RBFOX1: variants seen among roughly 807,000 people sequenced by gnomAD.
RBFOX1 encodes RNA binding protein fox-1 homolog 1.
Under a neutral mutation model 57.7 loss-of-function variants are expected in RBFOX1, and 8 were observed. The observed-to-expected ratio is 0.14, with a 90% confidence interval of 0.08 to 0.25. The LOEUF (loss-of-function observed/expected upper bound fraction) is 0.25, where lower values mean the gene tolerates loss of function less well. RBFOX1 is among the 10% of genes least tolerant of loss of function. The pLI is 1.00. For synonymous variants in RBFOX1, 326 were observed against 222.4 expected (o/e 1.47, Z -4.15); for missense variants, 611 against 548.5 (o/e 1.11, Z -1.14).
chr16:6,806,856 G>A (rs71386443), intron 3 of RBFOX1, among the ~76,000 whole-genome samples: 1 of 121,380 alleles, frequency 8.2e-6, no homozygotes, highest in Non-Finnish European at 1.6e-5. Context: ...TTTTTTGAGA[G>A]AAAGTCTTGC....
chr16:6,945,083 G>C (rs2153510849), intron 3 of RBFOX1, among the ~76,000 whole-genome samples: 1 of 152,256 alleles, frequency 6.6e-6, no homozygotes, highest in South Asian at 2.1e-4. Flanking sequence ...AGACAGAGCA[G>C]GGGCCAGCTC....
intron 1 of RBFOX1, among the ~76,000 whole-genome samples, chr16:5,263,818 T>G (rs1395989048): frequency 6.6e-6 from 1 of 152,168 alleles, no homozygotes; most frequent in Non-Finnish European, 1.5e-5. Flanking sequence ...AAGTCAATTG[T>G]TACAGCAAAT....
At chr16:7,441,461 C>T (rs1475144334) in intron 4 of RBFOX1, among the ~76,000 whole-genome samples, 5 of 152,134 alleles carry the variant, frequency 3.3e-5, no homozygotes, top group Admixed American at 1.3e-4. Context: ...TCTAGGGATT[C>T]ATGGATGTGC....
chr16:7,559,090 G>T (rs1003206232), intron 5 of RBFOX1, among the ~76,000 whole-genome samples: 1 of 152,192 alleles, frequency 6.6e-6, no homozygotes, highest in Non-Finnish European at 1.5e-5. Context: ...ATAGGAGAAA[G>T]GTTCAGAGGC....
intron 1 of RBFOX1, among the ~76,000 whole-genome samples, chr16:6,044,704 C>T (rs2095476995): frequency 6.6e-6 from 1 of 152,052 alleles, no homozygotes; most frequent in Admixed American, 6.6e-5. Context: ...ATATAATGGC[C>T]TTCTGTGCAT....
At chr16:5,969,662 C>T (rs780736220) in intron 4 of RBFOX1, among the ~76,000 whole-genome samples, 1 of 151,844 alleles carries the variant, frequency 6.6e-6, no homozygotes, top group Non-Finnish European at 1.5e-5. Context: ...TTCATAAAAT[C>T]TTAGGTAGCT....
intron 3 of RBFOX1, among the ~76,000 whole-genome samples, chr16:5,828,591 CG>C (rs778233004): frequency 6.3e-4 from 95 of 151,996 alleles, no homozygotes; most frequent in Non-Finnish European, 1.2e-3. Context: ...CCCAGCTACT[CG>C]GGAGGCCGAG....
intron 2 of RBFOX1, among the ~76,000 whole-genome samples, chr16:6,529,660 A>G (rs551971105): frequency 7.2e-5 from 11 of 152,186 alleles, no homozygotes; most frequent in Admixed American, 4.6e-4. Flanking sequence ...GAAGTAAGAT[A>G]CTACAGGTAT....
intron 4 of RBFOX1, among the ~76,000 whole-genome samples, chr16:7,478,806 G>T (rs532313618): frequency 3.3e-5 from 5 of 152,292 alleles, no homozygotes; most frequent in African/African-American, 1.2e-4. Context: ...ATCTAGTCTA[G>T]ATGCCAACAA....
intron 1 of RBFOX1, among the ~76,000 whole-genome samples, chr16:5,395,669 A>G (rs2066531740): frequency 6.6e-6 from 1 of 152,078 alleles, no homozygotes; most frequent in African/African-American, 2.4e-5. Context: ...GGGACCTGTG[A>G]CTTGTTTTTA....
At chr16:5,513,200 A>G (rs907804246) in intron 2 of RBFOX1, among the ~76,000 whole-genome samples, 2 of 152,126 alleles carry the variant, frequency 1.3e-5, no homozygotes, top group African/African-American at 4.8e-5. Flanking sequence ...GTGTGAGCCA[A>G]GGTACCCGGC....
intron 1 of RBFOX1, among the ~76,000 whole-genome samples, chr16:5,283,256 A>G (rs541956270): frequency 1.3e-5 from 2 of 152,332 alleles, no homozygotes; most frequent in Admixed American, 6.5e-5. Context: ...CAGGGCACTC[A>G]TGGAGAACCT....
intron 2 of RBFOX1, among the ~76,000 whole-genome samples, chr16:6,503,363 C>T (rs941247645): frequency 1.3e-5 from 2 of 152,126 alleles, no homozygotes; most frequent in African/African-American, 4.8e-5. Context: ...CACTCTTGTT[C>T]TTGTAACAGT....
chr16:7,315,456 A>ACCCCCCCCCCCCCCC (rs34625153), intron 4 of RBFOX1, among the ~76,000 whole-genome samples: 1 of 123,770 alleles, frequency 8.1e-6, no homozygotes, highest in Non-Finnish European at 1.9e-5. Flanking sequence ...ACTCTACCCT[A>ACCCCCCCCCCCCCCC]CCCCCCCCCC....
intron 1 of RBFOX1, among the ~76,000 whole-genome samples, chr16:6,223,389 C>A (rs2097391286): frequency 2.0e-5 from 3 of 148,624 alleles, no homozygotes; most frequent in Non-Finnish European, 3.0e-5. Flanking sequence ...TAATGATTGC[C>A]ATTCTAACTG....
intron 4 of RBFOX1, among the ~76,000 whole-genome samples, chr16:7,214,272 G>A (rs958722957): frequency 5.9e-5 from 9 of 151,992 alleles, no homozygotes; most frequent in Middle Eastern, 3.2e-3. Context: ...AATTTCTTAC[G>A]CATATGGGAG....
At chr16:7,450,772 A>G (rs573533222) in intron 4 of RBFOX1, among the ~76,000 whole-genome samples, 2 of 152,284 alleles carry the variant, frequency 1.3e-5, no homozygotes, top group East Asian at 3.9e-4. Flanking sequence ...AGGAGGAACC[A>G]GTGACCCCAG....
chr16:5,522,098 G>A (rs1414760928), intron 2 of RBFOX1, among the ~76,000 whole-genome samples: 1 of 152,230 alleles, frequency 6.6e-6, no homozygotes, highest in Non-Finnish European at 1.5e-5. Flanking sequence ...AGGCAGCCAG[G>A]CTCTCTGGAG....
chr16:7,443,078 C>T (rs1474502851), intron 4 of RBFOX1, among the ~76,000 whole-genome samples: 2 of 152,196 alleles, frequency 1.3e-5, no homozygotes, highest in East Asian at 3.9e-4. Context: ...CCTTACCCTT[C>T]AGTTGCACGA....
Sources: gnomAD v4.1 joint callset for allele counts (sites outside exome capture counted in the v4.1 genomes callset) on GRCh38, gnomAD v4.1.1 for gene constraint, MANE v1.5 for transcripts, NCBI Gene and HGNC (gene_info 2026-07-23, HGNC 2026-07-21) for gene names.